NPR3: variants seen among roughly 807,000 people sequenced by gnomAD.
NPR3 encodes natriuretic peptide receptor 3, also known as atrial natriuretic peptide receptor 3.
Under a neutral mutation model 54.5 loss-of-function variants are expected in NPR3, and 34 were observed. The observed-to-expected ratio is 0.62, with a 90% CI of 0.47 to 0.83. The LOEUF is 0.83. Among genes scored for constraint, NPR3 ranks in the 40% least tolerant of loss-of-function variants. NPR3 has a pLI of 0.00. For synonymous variants in NPR3, 289 were observed against 297.1 expected (o/e 0.97, Z 0.28); for missense variants, 674 against 720.8 (o/e 0.94, Z 0.74).
At chr5:32,709,718 A>G (rs890182295), upstream of NPR3, 7 of 152,204 alleles carry the variant, frequency 4.6e-5, no homozygotes, top group African/African-American at 1.7e-4. Context: ...GGTTCCAGAA[A>G]GAGCGATAAG....
intron 1 of NPR3, among the ~76,000 whole-genome samples, chr5:32,718,356 GT>G (rs1323074340): frequency 3.9e-5 from 6 of 152,200 alleles, no homozygotes; most frequent in Non-Finnish European, 5.9e-5. Flanking sequence ...CTTTAAAGTA[GT>G]TTTTTCCAAT....
intron 3 of NPR3, among the ~76,000 whole-genome samples, chr5:32,745,814 T>A (rs1413398249): frequency 6.6e-6 from 1 of 152,188 alleles, no homozygotes; most frequent in Non-Finnish European, 1.5e-5. Context: ...GGTTTTCCTA[T>A]TTTTTTCTGA....
intron 5 of NPR3, 23 bp from the exon 6 acceptor site, chr5:32,782,870 A>T: frequency 6.3e-7 from 1 of 1,582,194 alleles, no homozygotes; most frequent in South Asian, 1.2e-5. Flanking sequence ...TGGTTTGTCT[A>T]TTTGTTTTTT....
In NPR3 at chr5:32,712,139, G is replaced by A. The variant is rs1433063890; in HGVS notation, c.363G>A (p.Ala121=). Reference sequence around the variant, plus strand: ...TCTTCAGCTTGGTGGACCGCGTGGCGGCGGCGCGGGGCGCCAAGCCAGACC... The same window carrying A: ...TCTTCAGCTTGGTGGACCGCGTGGCAGCGGCGCGGGGCGCCAAGCCAGACC... ...RALFSLVDRV[A]AARGAKPDLI... The change falls in exon 1 of 8, where the codon GCG becomes GCA. Residue 121 remains alanine, a synonymous_variant. Transcript: ENST00000265074. 2 of 1,613,328 alleles carry A rather than the reference G, an allele frequency of 1.2e-6. No homozygotes were observed. The highest frequency in any genetic ancestry group is 1.7e-6 in the Non-Finnish European group (2 of 1,179,790).
At chr5:32,713,278 A>C in intron 1 of NPR3, 5 of 985,464 alleles carry the variant, frequency 5.1e-6, no homozygotes, top group Non-Finnish European at 6.0e-6. Context: ...ACGAGCGCTG[A>C]ACCTTCTTTC....
intron 1 of NPR3, among the ~76,000 whole-genome samples, chr5:32,717,142 T>C (rs1453577324): frequency 6.6e-6 from 1 of 152,126 alleles, no homozygotes; most frequent in Non-Finnish European, 1.5e-5. Context: ...CTGAGAATGA[T>C]GGTTTCCAGC....
intron 6 of NPR3, among the ~76,000 whole-genome samples, chr5:32,784,423 A>T (rs887651258): frequency 6.6e-6 from 1 of 152,152 alleles, no homozygotes; most frequent in African/African-American, 2.4e-5. Context: ...TCCTGACCTC[A>T]GGTGATCCAC....
chr5:32,711,012 C>A (rs530018917), upstream of NPR3, among the ~76,000 whole-genome samples: 1 of 152,146 alleles, frequency 6.6e-6, no homozygotes, highest in Non-Finnish European at 1.5e-5. Context: ...AGGCGGTGAT[C>A]GCACAGGCAC....
chr5:32,701,584 T>A (rs73067042), intron 1 of NPR3, among the ~76,000 whole-genome samples: 1,683 of 152,358 alleles, frequency 0.011, 28 homozygotes, highest in African/African-American at 0.039. Context: ...TTTGTCAGTG[T>A]CTGGGCATTG....
chr5:32,780,622 G>A, intron 4 of NPR3, 100 bp from the exon 5 acceptor site: 1 of 767,098 alleles, frequency 1.3e-6, no homozygotes, highest in Admixed American at 1.7e-5. Flanking sequence ...TGTGGCATGA[G>A]TTTGTTTAAA....
chr5:32,774,825 T>C lies in NPR3; in HGVS notation c.1177T>C (p.Trp393Arg). 1 of 1,611,804 alleles carries C rather than the reference T, an allele frequency of 6.2e-7. No homozygotes were observed. The highest frequency in any genetic ancestry group is 8.5e-7 in the Non-Finnish European group (1 of 1,177,904). The change falls in exon 4 of 8, where the codon TGG becomes CGG. Residue 393 changes from tryptophan to arginine, a missense_variant. Coordinates refer to ENST00000265074, the MANE Select transcript of NPR3 (RefSeq NM_001204375.2). Reference sequence around the variant, plus strand: ...TGGAGGGAAAATTATACAGCAGACTTGGAACAGAACATTTGAAGGTGGGGA... The same window carrying C: ...TGGAGGGAAAATTATACAGCAGACTCGGAACAGAACATTTGAAGGTGGGGA... ...KDGGKIIQQTWNRTFEGIAGQ... is the reference protein window; with the variant it reads ...KDGGKIIQQTRNRTFEGIAGQ...
chr5:32,691,763 C>G (rs926770126), intron 1 of NPR3, among the ~76,000 whole-genome samples: 1 of 152,160 alleles, frequency 6.6e-6, no homozygotes, highest in African/African-American at 2.4e-5. Flanking sequence ...CGATGAAGAG[C>G]TTCATCAGAG....
intron 2 of NPR3, among the ~76,000 whole-genome samples, chr5:32,738,027 G>A (rs962214026): frequency 1.3e-5 from 2 of 152,064 alleles, no homozygotes; most frequent in African/African-American, 4.8e-5. Context: ...TTTCTATGAT[G>A]TTGCTAGCAT....
At chr5:32,784,973 C>T in intron 7 of NPR3, 90 bp downstream of exon 7, 1 of 1,037,112 alleles carries the variant, frequency 9.6e-7, no homozygotes, top group Non-Finnish European at 1.5e-6. Context: ...TTGTCCACAT[C>T]CCTCTTTCAC....
At chr5:32,721,439 G>A (rs981001) in intron 1 of NPR3, among the ~76,000 whole-genome samples, 28,879 of 152,086 alleles carry the variant, frequency 0.19, 3,396 homozygotes, top group Middle Eastern at 0.36. Context: ...ACGGTGGGCC[G>A]ATCACTTAGC....
At chr5:32,692,751 C>T (rs1740424486) in intron 1 of NPR3, among the ~76,000 whole-genome samples, 1 of 152,110 alleles carries the variant, frequency 6.6e-6, no homozygotes, top group East Asian at 1.9e-4. Context: ...AATTTCTGTT[C>T]CTAGCATAAT....
chr5:32,757,380 T>C (rs1199181424), intron 3 of NPR3, among the ~76,000 whole-genome samples: 2 of 152,180 alleles, frequency 1.3e-5, no homozygotes, highest in African/African-American at 4.8e-5. Context: ...TGAATGGGAG[T>C]TCACTCATGA....
intron 6 of NPR3, 25 bp downstream of exon 6, chr5:32,783,053 A>G (rs754474386): frequency 6.3e-7 from 1 of 1,583,262 alleles, no homozygotes; most frequent in Non-Finnish European, 8.6e-7. Context: ...TTAATTTGCT[A>G]TGTATGTCAT....
intron 3 of NPR3, among the ~76,000 whole-genome samples, chr5:32,757,969 T>G (rs1740935956): frequency 6.6e-6 from 1 of 152,218 alleles, no homozygotes; most frequent in Admixed American, 6.5e-5. Context: ...TCATGGTGGA[T>G]AAGCTTTTTG....
Sources: gnomAD v4.1 joint callset for allele counts (sites outside exome capture counted in the v4.1 genomes callset) on GRCh38, gnomAD v4.1.1 for gene constraint, MANE v1.5 for transcripts, NCBI Gene and HGNC (gene_info 2026-07-23, HGNC 2026-07-21) for gene names.